Variants in PPP1R9B observed in about 807,000 individuals in gnomAD.
The protein encoded by PPP1R9B is protein phosphatase 1 regulatory subunit 9B.
In PPP1R9B, 17 loss-of-function variants were observed where a neutral mutation model predicts 75.8. The ratio of observed to expected loss-of-function variants is 0.22; its 90% CI spans 0.15 to 0.34. The LOEUF (loss-of-function observed/expected upper bound fraction) is 0.34. Among genes scored for constraint, PPP1R9B ranks in the 10% least tolerant of loss-of-function variants. The pLI is 1.00. For missense variants in PPP1R9B, 875 were observed against 1,196.0 expected, an observed-to-expected ratio of 0.73 and a Z score of 3.96; for synonymous variants, 509 against 535.4, an observed-to-expected ratio of 0.95 and a Z score of 0.68.
At chr17:50,136,306 A>G in intron 7 of PPP1R9B, 109 bp from the exon 8 acceptor site, 1 of 856,594 alleles carries the variant, frequency 1.2e-6, no homozygotes, top group Non-Finnish European at 1.8e-6. Context: ...ACCGTTGTGG[A>G]GTCCATTGCA....
chr17:50,147,220 C>T lies in PPP1R9B; in HGVS notation c.1371+1923G>A, dbSNP rs988129862. On this transcript the variant is annotated intron_variant, in intron 1 of 9. Coordinates refer to ENST00000612501, the MANE Select transcript of PPP1R9B (RefSeq NM_032595.5). Reference sequence around the variant, plus strand: ...CTCCTACCCCTCCTCGGGCTGCCCACCATGATATGCCGGTCTAGCAGAGGG... The same window carrying T: ...CTCCTACCCCTCCTCGGGCTGCCCATCATGATATGCCGGTCTAGCAGAGGG... Among the ~76,000 whole-genome samples the T allele has an allele frequency of 3.3e-5, 5 of 152,220 alleles. No homozygotes were observed. In the South Asian group the frequency reaches 1.0e-3, roughly 32 times the overall value.
intron 1 of PPP1R9B, among the ~76,000 whole-genome samples, chr17:50,146,864 T>G (rs543121434): frequency 2.6e-5 from 4 of 152,298 alleles, no homozygotes; most frequent in Admixed American, 2.6e-4. Flanking sequence ...TGGTTTCCAC[T>G]GCACACATGC....
chr17:50,149,180 G>T lies in PPP1R9B; in HGVS notation c.1334C>A (p.Pro445Gln). 1.3e-6 allele frequency: 2 copies of T among 1,557,436 alleles called. No individual in the cohort carries two copies. The highest frequency in any genetic ancestry group is 1.7e-6 in the Non-Finnish European group (2 of 1,151,456). ...PGLSEEEDPA[P>Q]SRKIHFSTAP... is the part of the protein sequence containing the mutation. Reference sequence around the variant, plus strand: ...CGTGCTGAAATGGATCTTCCGGCTCGGGGCTGGGTCCTCCTCCTCCGACAG... The same window carrying T: ...CGTGCTGAAATGGATCTTCCGGCTCTGGGCTGGGTCCTCCTCCTCCGACAG... Residue 445 changes from proline (P) to glutamine (Q), a missense_variant, in exon 1 of 10, where the codon CCG becomes CAG. Pro to Gln is a moderately conservative substitution (Grantham distance 76). Transcript: ENST00000612501. This position sits in a 1 kb window ranked among gnomAD's most constrained non-coding sequence, Gnocchi z 7.2.
Position 50,136,214 on chromosome 17 carries a change from C to G in PPP1R9B, c.2074-17G>C. On this transcript the variant is annotated splice_polypyrimidine_tract_variant and intron_variant, in intron 7 of 9. Coordinates refer to ENST00000612501, the MANE Select transcript of PPP1R9B (RefSeq NM_032595.5). The stretch of plus-strand genomic sequence containing the variant: ...GCTCTGCAGCTGAGAGAGAAAGGCA[C>G]GGCCCTGGGTTGGTGGGGGCCAGCA... The G allele has an allele frequency of 1.9e-6, 3 of 1,595,500 alleles. No homozygotes were observed. Among genetic ancestry groups the G allele is most frequent in the Non-Finnish European group, 2.5e-6 (3 of 1,177,512 alleles).
intron 7 of PPP1R9B, among the ~76,000 whole-genome samples, chr17:50,136,863 G>A (rs1391534052): frequency 2.0e-5 from 3 of 152,120 alleles, no homozygotes; most frequent in Non-Finnish European, 4.4e-5. Flanking sequence ...CCCAGCTTTA[G>A]CTCCCAGCTC....
Position 50,150,489 on chromosome 17 carries a change from G to GC in PPP1R9B, c.24dup (p.Pro9AlafsTer194). Reference sequence around the variant, plus strand: ...GAGGCGCTCCGGAGGGGACCCCCGGGCCCCCGTGGCTCCGTCTTCATCATG... The same window carrying GC: ...GAGGCGCTCCGGAGGGGACCCCCGGGCCCCCCGTGGCTCCGTCTTCATCATG... On this transcript the variant is annotated frameshift_variant, in exon 1 of 10. Transcript: ENST00000612501. LOFTEE classifies it high-confidence loss of function. This position sits in a 1 kb window ranked among gnomAD's most constrained non-coding sequence, Gnocchi z 8.7. The GC allele has an allele frequency of 7.3e-7, 1 of 1,360,712 alleles. No individual in the cohort carries two copies. The highest frequency in any genetic ancestry group is 9.5e-7 in the Non-Finnish European group (1 of 1,052,822). 84.3% of individuals were successfully genotyped at this position (1,360,712 alleles called of 1,614,324 possible).
rs748547194 is a variant in PPP1R9B, at chr17:50,149,431, C to T, written c.1083G>A (p.Pro361=). ...APEKEAAAVA[P]PERGVGNGRA... The stretch of plus-strand genomic sequence containing the variant: ...GGCCATTGCCCACCCCCCTCTCTGG[C>T]GGCGCTACCGCCGCCGCCTCCTTCT... Residue 361 remains proline (P), a synonymous_variant, in exon 1 of 10, where the codon CCG becomes CCA. Coordinates refer to ENST00000612501, the MANE Select transcript of PPP1R9B (RefSeq NM_032595.5). This position sits in a 1 kb window ranked among gnomAD's most constrained non-coding sequence, Gnocchi z 7.2. 11 of 1,607,786 alleles carry T rather than the reference C, an allele frequency of 6.8e-6. No individual in the cohort carries two copies. The highest frequency in any genetic ancestry group is 1.3e-5 in the African/African-American group (1 of 74,656).
rs1247502934 is a variant in PPP1R9B, at chr17:50,139,414, A to T, written c.2019+15T>A. The T allele has an allele frequency of 6.2e-7, 1 of 1,611,466 alleles. No homozygotes were observed. Among genetic ancestry groups the T allele is most frequent in the Non-Finnish European group, 8.5e-7 (1 of 1,178,096 alleles). On this transcript the variant is annotated intron_variant, in intron 6 of 9. Coordinates refer to ENST00000612501, the MANE Select transcript of PPP1R9B (RefSeq NM_032595.5). This position sits in a 1 kb window ranked among gnomAD's most constrained non-coding sequence, Gnocchi z 5.0. Reference sequence around the variant, plus strand: ...TGCCTTTCCCTCCACCACTCCAGGGAGCCCCTCCTCCCACCTCCTTGAACT... The same window carrying T: ...TGCCTTTCCCTCCACCACTCCAGGGTGCCCCTCCTCCCACCTCCTTGAACT...
At chr17:50,135,744 G>C in intron 8 of PPP1R9B, 95 bp from the exon 9 acceptor site, 4 of 1,131,046 alleles carry the variant, frequency 3.5e-6, no homozygotes, top group Non-Finnish European at 5.2e-6. Flanking sequence ...GGGCAACTCT[G>C]TCCTTCCCTG....
intron 1 of PPP1R9B, among the ~76,000 whole-genome samples, chr17:50,146,437 G>C (rs1912520481): frequency 6.6e-6 from 1 of 152,146 alleles, no homozygotes; most frequent in Admixed American, 6.5e-5. Context: ...TCTCCCCCAA[G>C]GGCCCTTGTC....
intron 3 of PPP1R9B, 55 bp from the exon 4 acceptor site, chr17:50,141,428 A>C: frequency 8.2e-7 from 1 of 1,214,272 alleles, no homozygotes; most frequent in East Asian, 2.6e-5. Context: ...GCGAGGGTAG[A>C]GGTAGCCTCC....
intron 4 of PPP1R9B, 28 bp from the exon 5 acceptor site, chr17:50,140,256 C>A: frequency 1.3e-6 from 2 of 1,572,166 alleles, no homozygotes; most frequent in Non-Finnish European, 1.7e-6. Flanking sequence ...TCATCCGCTG[C>A]CTCTGTCCTC....
intron 7 of PPP1R9B, among the ~76,000 whole-genome samples, chr17:50,137,878 C>T (rs1290475509): frequency 6.6e-6 from 1 of 152,186 alleles, no homozygotes; most frequent in Admixed American, 6.5e-5. Flanking sequence ...GCTCCTCTCC[C>T]TGCCAGGAAT....
In PPP1R9B at chr17:50,141,381, A is replaced by G. The variant is rs919045835; in HGVS notation, c.1626-8T>C. The G allele has an allele frequency of 2.9e-5, 46 of 1,563,132 alleles. No individual in the cohort carries two copies. The highest frequency in any genetic ancestry group is 4.0e-5 in the Non-Finnish European group (46 of 1,152,980). Reference sequence around the variant, plus strand: ...AGATCATTCACCTGGATCCTAGCGGAGTGACATTGGTTAAGGGGTCACAGG... The same window carrying G: ...AGATCATTCACCTGGATCCTAGCGGGGTGACATTGGTTAAGGGGTCACAGG... On this transcript the variant is annotated splice_region_variant and splice_polypyrimidine_tract_variant and intron_variant, in intron 3 of 9. Transcript: ENST00000612501.
intron 3 of PPP1R9B, among the ~76,000 whole-genome samples, chr17:50,141,818 G>A (rs1006487976): frequency 8.5e-5 from 13 of 152,224 alleles, no homozygotes; most frequent in African/African-American, 3.1e-4. Context: ...TGTGTGGGCA[G>A]TGAGAGCCAG....
At chr17:50,136,805 C>T (rs1360097791) in intron 7 of PPP1R9B, among the ~76,000 whole-genome samples, 2 of 152,124 alleles carry the variant, frequency 1.3e-5, no homozygotes, top group South Asian at 2.1e-4. Flanking sequence ...TACCTCTGTG[C>T]ACTCTGAGCT....
chr17:50,147,797 C>A (rs1912552934), intron 1 of PPP1R9B, among the ~76,000 whole-genome samples: 1 of 152,072 alleles, frequency 6.6e-6, no homozygotes, highest in African/African-American at 2.4e-5. Flanking sequence ...GAGAGGCTGG[C>A]CTGAGAGCCA....
chr17:50,150,525 C>G lies in PPP1R9B; in HGVS notation c.-12G>C. 7.6e-7 allele frequency: 1 copy of G among 1,318,330 alleles called. No individual in the cohort carries two copies. The highest frequency in any genetic ancestry group is 9.7e-7 in the Non-Finnish European group (1 of 1,033,290). 81.7% of individuals were successfully genotyped at this position (1,318,330 alleles called of 1,614,324 possible). ...TCCGTCTTCATCATGGTGGGGGGAG[C>G]CGGGTTCGCATGCCCCTGCTCCCCG... On this transcript the variant is annotated 5_prime_UTR_variant, in exon 1 of 10. Coordinates refer to ENST00000612501, the MANE Select transcript of PPP1R9B (RefSeq NM_032595.5). This position sits in a 1 kb window ranked among gnomAD's most constrained non-coding sequence, Gnocchi z 8.7.
chr17:50,140,522 C>T (rs1912348139), intron 4 of PPP1R9B, among the ~76,000 whole-genome samples: 1 of 152,144 alleles, frequency 6.6e-6, no homozygotes, highest in East Asian at 1.9e-4. Flanking sequence ...GAGGCTCTTC[C>T]CCTGCCACAG....
Sources: gnomAD v4.1 joint callset for allele counts (sites outside exome capture counted in the v4.1 genomes callset) on GRCh38, gnomAD v4.1.1 for gene constraint, Gnocchi (gnomAD v3.1) non-coding constraint, MANE v1.5 for transcripts, NCBI Gene and HGNC (gene_info 2026-07-23, HGNC 2026-07-21) for gene names.